The following DOCK4 variants were observed in gnomAD, a reference collection of about 807,000 sequenced individuals.
DOCK4 encodes dedicator of cytokinesis 4, also known as dedicator of cytokinesis protein 4.
Under a neutral mutation model 268.1 loss-of-function variants are expected in DOCK4, and 97 were observed. The observed-to-expected ratio is 0.36, with a 90% CI of 0.31 to 0.43. DOCK4 has a LOEUF of 0.43. Ranked by LOEUF, DOCK4 falls within the 20% of genes least tolerant of loss-of-function variation. The probability of loss-of-function intolerance (pLI) is 1.00; values close to 1 mark genes in which losing one functional copy is unlikely to be tolerated. For synonymous variants in DOCK4, 954 were observed against 887.2 expected (o/e 1.08, Z -1.34); for missense variants, 2,145 against 2,455.7 (o/e 0.87, Z 2.67).
chr7:111,952,978 C>A (rs748809524), intron 8 of DOCK4, among the ~76,000 whole-genome samples: 18 of 152,078 alleles, frequency 1.2e-4, no homozygotes, highest in Admixed American at 1.2e-3. Context: ...GAAATCCCAG[C>A]ACTTTGGGAG....
At chr7:112,175,344 G>C (rs983345924) in intron 1 of DOCK4, among the ~76,000 whole-genome samples, 2 of 152,046 alleles carry the variant, frequency 1.3e-5, no homozygotes, top group African/African-American at 4.8e-5. Context: ...CATTATACAT[G>C]TTTTAAAAAA....
At chr7:111,799,598 A>T (rs1339253976) in intron 30 of DOCK4, among the ~76,000 whole-genome samples, 1 of 152,226 alleles carries the variant, frequency 6.6e-6, no homozygotes, top group Non-Finnish European at 1.5e-5. Context: ...CTGACAGCCC[A>T]GAGGAATGTC....
intron 1 of DOCK4, among the ~76,000 whole-genome samples, chr7:112,155,014 T>C (rs535815264): frequency 6.6e-6 from 1 of 152,334 alleles, no homozygotes; most frequent in South Asian, 2.1e-4. Context: ...ATATTCATGA[T>C]TTCATTGAGT....
At chr7:112,071,205 A>G (rs1448034215) in intron 1 of DOCK4, among the ~76,000 whole-genome samples, 2 of 152,194 alleles carry the variant, frequency 1.3e-5, no homozygotes, top group Non-Finnish European at 2.9e-5. Flanking sequence ...ACAGCCCACA[A>G]CAGAGCTCTC....
intron 1 of DOCK4, among the ~76,000 whole-genome samples, chr7:112,020,660 CAA>C (rs1033219301): frequency 2.2e-5 from 3 of 135,496 alleles, no homozygotes; most frequent in Non-Finnish European, 4.6e-5. Context: ...CTTTCTATGC[CAA>C]AGAGTCACTG....
chr7:111,998,506 G>T lies in DOCK4; in HGVS notation c.163-3C>A. ...ACGTAGCTGGAAGGAAATATACCCT[G>T]GAAAAGAAAACATGAAGGTTACGAT... is the stretch of plus-strand genomic sequence containing the variant. On this transcript the variant is annotated splice_region_variant and splice_polypyrimidine_tract_variant and intron_variant, in intron 3 of 52. Coordinates refer to ENST00000428084, the MANE Select transcript of DOCK4 (RefSeq NM_001363540.2). 1.3e-6 allele frequency: 2 copies of T among 1,581,396 alleles called. No homozygotes were observed. The highest frequency in any genetic ancestry group is 1.3e-5 in the African/African-American group (1 of 74,438).
chr7:111,824,354 A>G (rs1802236051), intron 26 of DOCK4, among the ~76,000 whole-genome samples: 1 of 152,100 alleles, frequency 6.6e-6, no homozygotes, highest in Non-Finnish European at 1.5e-5. Flanking sequence ...TTTATCTTTG[A>G]AAGAGTTATA....
At chr7:112,066,739 A>ATC (rs1807095677) in intron 1 of DOCK4, among the ~76,000 whole-genome samples, 2 of 91,564 alleles carry the variant, frequency 2.2e-5, no homozygotes, top group Admixed American at 2.6e-4. Flanking sequence ...ATATATATAT[A>ATC]TATCTCCTAT....
chr7:111,994,386 T>G (rs1221228588), intron 4 of DOCK4, among the ~76,000 whole-genome samples, 155 bp from the exon 5 acceptor site: 1 of 152,204 alleles, frequency 6.6e-6, no homozygotes, highest in Non-Finnish European at 1.5e-5. Context: ...ATGTGAGGAA[T>G]GCTACATGGG....
intron 10 of DOCK4, among the ~76,000 whole-genome samples, chr7:111,941,941 T>A (rs1339277438): frequency 6.6e-6 from 1 of 152,200 alleles, no homozygotes; most frequent in Non-Finnish European, 1.5e-5. Flanking sequence ...ACCTGACTCA[T>A]GTCTTCAAAC....
At chr7:111,962,546 C>T (rs377442636) in intron 8 of DOCK4, among the ~76,000 whole-genome samples, 13 of 152,084 alleles carry the variant, frequency 8.5e-5, no homozygotes, top group Non-Finnish European at 1.6e-4. Context: ...CTTCGATTAC[C>T]GTGCGGTACA....
chr7:111,762,757 GTTTTCTTT>G (rs1797501775), intron 39 of DOCK4, among the ~76,000 whole-genome samples: 2 of 55,006 alleles, frequency 3.6e-5, no homozygotes, highest in East Asian at 4.1e-4. Flanking sequence ...ATTTTGTTTT[GTTTTCTTT>G]TTTTTTTTTT....
At chr7:111,852,959 CCTT>C (rs767948401) in intron 23 of DOCK4, among the ~76,000 whole-genome samples, 1 of 152,206 alleles carries the variant, frequency 6.6e-6, no homozygotes, top group Non-Finnish European at 1.5e-5. Context: ...CAGGTTCTCT[CCTT>C]GAGAGGGCCG....
At chr7:111,999,641 G>T (rs1407696640) in intron 3 of DOCK4, among the ~76,000 whole-genome samples, 1 of 151,776 alleles carries the variant, frequency 6.6e-6, no homozygotes, top group Non-Finnish European at 1.5e-5. Flanking sequence ...TTCCCCTTTA[G>T]GATGACCTAA....
intron 1 of DOCK4, among the ~76,000 whole-genome samples, chr7:112,088,759 T>A (rs1231685451): frequency 6.6e-6 from 1 of 152,134 alleles, no homozygotes; most frequent in Non-Finnish European, 1.5e-5. Context: ...TGAGAATGTA[T>A]CCTAGCTCTG....
intron 13 of DOCK4, among the ~76,000 whole-genome samples, chr7:111,914,748 C>G (rs1409572763): frequency 6.6e-6 from 1 of 152,224 alleles, no homozygotes; most frequent in South Asian, 2.1e-4. Flanking sequence ...CACTGGTTTT[C>G]ACCTGAGCAT....
intron 1 of DOCK4, among the ~76,000 whole-genome samples, chr7:112,205,248 C>T (rs376505343): frequency 1.3e-3 from 196 of 152,244 alleles, no homozygotes; most frequent in African/African-American, 4.5e-3. Context: ...TTTCTCCGAA[C>T]GCCAGTGTCA....
Position 111,760,301 on chromosome 7 carries a change from C to T in DOCK4, c.4042G>A (p.Gly1348Arg). 6.2e-7 allele frequency: 1 copy of T among 1,613,708 alleles called. No individual in the cohort carries two copies. The highest frequency in any genetic ancestry group is 8.5e-7 in the Non-Finnish European group (1 of 1,179,784). ...FLRNKEFVCR[G>R]HDYERLEAFQ... is the part of the protein sequence containing the mutation. ...GCTTCCAGCCTCTCGTAGTCATGCCCTCGACACACAAACTCCTTATTCTGG... is the reference window on the plus strand; with the variant it reads ...GCTTCCAGCCTCTCGTAGTCATGCCTTCGACACACAAACTCCTTATTCTGG... The change falls in exon 40 of 53, where the codon GGG becomes AGG. Residue 1348 changes from glycine (G) to arginine (R), a missense_variant. Physicochemically the swap from Gly to Arg is moderately radical, Grantham distance 125. This residue lies in a region of DOCK4 where 1,598 missense variants were observed against 1,986.7 expected (regional missense o/e 0.80). Transcript: ENST00000428084.
In DOCK4 at chr7:111,951,159, T is replaced by C. The variant is rs182343561; in HGVS notation, c.702-5361A>G. Among the ~76,000 whole-genome samples the C allele has an allele frequency of 1.7e-3, 257 of 152,346 alleles. 1 individual carries two copies. The highest frequency in any genetic ancestry group is 5.9e-3 in the African/African-American group (246 of 41,582). ...CCACAATTATTTATTATTTATAACC[T>C]TTCTTCTTCCAACAATGATTTGATG... On this transcript the variant is annotated intron_variant, in intron 8 of 52. Transcript: ENST00000428084.
Sources: gnomAD v4.1 joint callset for allele counts (sites outside exome capture counted in the v4.1 genomes callset) on GRCh38, gnomAD v4.1.1 for gene constraint, gnomAD v4.1.1 regional missense constraint, MANE v1.5 for transcripts, NCBI Gene and HGNC (gene_info 2026-07-23, HGNC 2026-07-21) for gene names.